Variants in SHISA6 observed in about 807,000 individuals in gnomAD.
SHISA6 encodes shisa family member 6, also known as protein shisa-6.
A neutral mutation model predicts 47.9 loss-of-function variants in SHISA6; 22 were observed. The ratio of observed to expected loss-of-function variants is 0.46; its 90% CI spans 0.33 to 0.66. The LOEUF (loss-of-function observed/expected upper bound fraction) is 0.66, where lower values mean the gene tolerates loss of function less well. Ranked by LOEUF, SHISA6 falls within the 30% of genes least tolerant of loss-of-function variation. The pLI is 0.02. For synonymous variants in SHISA6, 388 were observed against 337.8 expected (o/e 1.15, Z -1.63); for missense variants, 680 against 764.6 (o/e 0.89, Z 1.30).
chr17:11,311,106 CAAAAAAAAA>C (rs71139101), intron 2 of SHISA6, among the ~76,000 whole-genome samples: 521 of 48,578 alleles, frequency 0.011, 6 homozygotes, highest in African/African-American at 0.038. Context: ...GACTCCATCT[CAAAAAAAAA>C]AAAAAAAAAA....
intron 3 of SHISA6, among the ~76,000 whole-genome samples, chr17:11,518,629 CA>C (rs1038837389): frequency 6.6e-6 from 1 of 152,148 alleles, no homozygotes. Flanking sequence ...GTAAGACAGT[CA>C]TCCTCAACCC....
At chr17:11,351,161 A>G (rs1377119634) in intron 2 of SHISA6, among the ~76,000 whole-genome samples, 2 of 152,086 alleles carry the variant, frequency 1.3e-5, no homozygotes, top group African/African-American at 4.8e-5. Context: ...AACAAGGGGA[A>G]GGAGAGCATT....
intron 2 of SHISA6, among the ~76,000 whole-genome samples, chr17:11,365,678 T>C (rs371543054): frequency 6.6e-6 from 1 of 152,242 alleles, no homozygotes; most frequent in Admixed American, 6.5e-5. Flanking sequence ...CGTTAATCCA[T>C]TGGCAACTAT....
rs1215611266 is a variant in SHISA6, at chr17:11,366,627, A to T, written c.800-12787A>T. ...CCTGCTGTAGCAGGTCAGATGAGGG[A>T]TGGTGGCAGCACTCCTGGGAGGTGG... On this transcript the variant is annotated intron_variant, in intron 2 of 5. Coordinates refer to ENST00000441885, the MANE Select transcript of SHISA6 (RefSeq NM_207386.4). Among the ~76,000 whole-genome samples, 3 of 152,158 alleles carry T rather than the reference A, an allele frequency of 2.0e-5. No homozygotes were observed. The East Asian group carries it at 5.8e-4, about 29-fold the overall frequency.
At chr17:11,415,315 G>C (rs1017641038) in intron 3 of SHISA6, among the ~76,000 whole-genome samples, 1 of 152,100 alleles carries the variant, frequency 6.6e-6, no homozygotes, top group African/African-American at 2.4e-5. Context: ...TGGAGAATCA[G>C]TACTCAAATT....
chr17:11,309,266 C>T (rs533461729), intron 2 of SHISA6, among the ~76,000 whole-genome samples: 1 of 152,368 alleles, frequency 6.6e-6, no homozygotes, highest in South Asian at 2.1e-4. Context: ...CGCCCCACTC[C>T]ACATGAAGCA....
At chr17:11,544,976 A>AAT (rs2071871008) in intron 3 of SHISA6, among the ~76,000 whole-genome samples, 1 of 151,620 alleles carries the variant, frequency 6.6e-6, no homozygotes, top group African/African-American at 2.4e-5. Flanking sequence ...AAAAAAAAAA[A>AAT]AAAAAATTAA....
At chr17:11,294,500 G>C (rs540963929) in intron 2 of SHISA6, among the ~76,000 whole-genome samples, 3 of 152,198 alleles carry the variant, frequency 2.0e-5, no homozygotes, top group Admixed American at 6.5e-5. Flanking sequence ...TGCTCCCCGC[G>C]TGCGAGGCTG....
chr17:11,307,483 A>G (rs1444958577), intron 2 of SHISA6, among the ~76,000 whole-genome samples: 1 of 152,146 alleles, frequency 6.6e-6, no homozygotes, highest in African/African-American at 2.4e-5. Context: ...CAGGTCCATC[A>G]TCTCTCAGCT....
chr17:11,554,874 A>C (rs1416958663), intron 4 of SHISA6, among the ~76,000 whole-genome samples: 7 of 151,902 alleles, frequency 4.6e-5, no homozygotes, highest in Non-Finnish European at 1.0e-4. Context: ...TCTGGCCCTG[A>C]GCCCAGCGCA....
intron 2 of SHISA6, 126 bp downstream of exon 2, chr17:11,263,652 C>A: frequency 1.6e-6 from 2 of 1,237,240 alleles, no homozygotes; most frequent in East Asian, 2.6e-5. Context: ...GACAGGCAGG[C>A]TGGCAAAAGA....
At chr17:11,308,908 C>G (rs1014220022) in intron 2 of SHISA6, among the ~76,000 whole-genome samples, 1 of 152,186 alleles carries the variant, frequency 6.6e-6, no homozygotes, top group African/African-American at 2.4e-5. Flanking sequence ...ATACTTTCAC[C>G]AGATACTAAA....
intron 3 of SHISA6, among the ~76,000 whole-genome samples, chr17:11,460,433 C>T (rs778908652): frequency 1.3e-5 from 2 of 152,108 alleles, no homozygotes; most frequent in Non-Finnish European, 2.9e-5. Flanking sequence ...CTCTTATTGC[C>T]CAGGCTGGAG....
intron 3 of SHISA6, among the ~76,000 whole-genome samples, chr17:11,485,832 T>C (rs1397772902): frequency 5.3e-5 from 8 of 152,044 alleles, no homozygotes; most frequent in Non-Finnish European, 4.4e-5. Flanking sequence ...CTGGATGTGC[T>C]GAGGCATTTT....
intron 2 of SHISA6, among the ~76,000 whole-genome samples, chr17:11,280,442 G>T (rs1909079069): frequency 6.6e-6 from 1 of 152,206 alleles, no homozygotes; most frequent in Non-Finnish European, 1.5e-5. Context: ...TAGGCGTCTG[G>T]CGAGAGAGGT....
rs1386711412 is a variant in SHISA6, at chr17:11,323,066, GC to G, written c.800-56345del. 2.4e-4 allele frequency among the ~76,000 whole-genome samples: 37 copies of G among 152,288 alleles called. 1 individual carries two copies. The highest frequency in any genetic ancestry group is 8.4e-4 in the African/African-American group (35 of 41,554). ...AGGTTAACCAGTCTTCCCATCCTAT[GC>G]CCACAGGACCAAATGTTTCACAAGT... On this transcript the variant is annotated intron_variant, in intron 2 of 5. Coordinates refer to ENST00000441885, the MANE Select transcript of SHISA6 (RefSeq NM_207386.4).
At chr17:11,546,930 A>C (rs2071888458) in intron 3 of SHISA6, among the ~76,000 whole-genome samples, 1 of 149,594 alleles carries the variant, frequency 6.7e-6, no homozygotes, top group African/African-American at 2.5e-5. Flanking sequence ...CTCCATCTCA[A>C]AAAAAAAAAG....
chr17:11,499,897 T>G (rs1214316720), intron 3 of SHISA6, among the ~76,000 whole-genome samples: 2 of 151,340 alleles, frequency 1.3e-5, no homozygotes, highest in African/African-American at 4.8e-5. Context: ...AGATGGGGTT[T>G]CACCTTATTA....
intron 2 of SHISA6, among the ~76,000 whole-genome samples, chr17:11,293,529 G>A (rs116948747): frequency 1.3e-5 from 2 of 152,120 alleles, no homozygotes; most frequent in East Asian, 1.9e-4. Flanking sequence ...GTGGAGCCTG[G>A]GCATCCTCGG....
Sources: allele counts gnomAD v4.1 joint callset (sites outside exome capture counted in the v4.1 genomes callset), GRCh38; gene constraint gnomAD v4.1.1; transcripts MANE v1.5; gene names NCBI Gene and HGNC (gene_info 2026-07-23, HGNC 2026-07-21).